Variants in SPATA21 observed in about 807,000 individuals in gnomAD.
SPATA21 encodes spermatogenesis-associated protein 21.
A neutral mutation model predicts 54.8 loss-of-function variants in SPATA21; 47 were observed. The ratio of observed to expected loss-of-function variants is 0.86; its 90% CI spans 0.68 to 1.09. The LOEUF is 1.09. SPATA21 is among the 50% of genes least tolerant of loss of function. The pLI, the probability that SPATA21 is intolerant of heterozygous loss-of-function variation, is 0.00. For missense variants in SPATA21, 599 were observed against 596.4 expected (o/e 1.00, Z -0.05); for synonymous variants, 245 against 235.3 (o/e 1.04, Z -0.38).
chr1:16,419,057 C>G (rs138434329), intron 5 of SPATA21, among the ~76,000 whole-genome samples: 63 of 152,218 alleles, frequency 4.1e-4, no homozygotes, highest in African/African-American at 1.4e-3. Context: ...AAGATAATGT[C>G]GGAGGGAGAA....
intron 10 of SPATA21, among the ~76,000 whole-genome samples, chr1:16,403,138 C>T (rs1442468685): frequency 2.6e-5 from 4 of 152,166 alleles, no homozygotes; most frequent in African/African-American, 9.7e-5. Context: ...GAACCACTAC[C>T]TACCCACCCA....
At chr1:16,410,155 G>A in intron 5 of SPATA21, 112 bp from the exon 6 acceptor site, 1 of 884,974 alleles carries the variant, frequency 1.1e-6, no homozygotes, top group Non-Finnish European at 1.7e-6. Flanking sequence ...TACTCTCTGA[G>A]CCTTTGGAGG....
intron 3 of SPATA21, chr1:16,425,172 A>G (rs1230650620): frequency 2.1e-6 from 1 of 475,208 alleles, no homozygotes; most frequent in Non-Finnish European, 4.2e-6. Context: ...CGGCCTCCAG[A>G]AGTGCTGGGA....
chr1:16,408,381 G>T, intron 7 of SPATA21: 3 of 775,670 alleles, frequency 3.9e-6, no homozygotes, highest in Non-Finnish European at 4.7e-6. Context: ...CTTGTTTAAT[G>T]GTGAGGGACC....
intron 2 of SPATA21, among the ~76,000 whole-genome samples, chr1:16,432,104 T>C (rs2086472588): frequency 7.3e-6 from 1 of 137,600 alleles, no homozygotes; most frequent in Admixed American, 7.4e-5. Flanking sequence ...CTTTTCTTCT[T>C]CTTCTTCTTC....
intron 2 of SPATA21, among the ~76,000 whole-genome samples, chr1:16,432,331 A>T (rs751225015): frequency 4.0e-5 from 6 of 151,820 alleles, no homozygotes; most frequent in Non-Finnish European, 8.8e-5. Flanking sequence ...CAGGTTGGCC[A>T]CGCTGGTCTT....
chr1:16,411,282 G>T (rs1010482926), intron 5 of SPATA21, among the ~76,000 whole-genome samples: 1 of 152,040 alleles, frequency 6.6e-6, no homozygotes, highest in African/African-American at 2.4e-5. Flanking sequence ...GAATTCCTGG[G>T]CTCAAGAGAT....
chr1:16,412,950 G>A (rs1015867661), intron 5 of SPATA21, among the ~76,000 whole-genome samples: 1 of 151,936 alleles, frequency 6.6e-6, no homozygotes, highest in African/African-American at 2.4e-5. Context: ...TACCCGGCTA[G>A]TTTTTTGTAT....
At chr1:16,403,553 A>G (rs968523778) in intron 10 of SPATA21, among the ~76,000 whole-genome samples, 174 bp downstream of exon 10, 6 of 144,282 alleles carry the variant, frequency 4.2e-5, no homozygotes, top group Admixed American at 3.6e-4. Flanking sequence ...CAGTGGCTCA[A>G]TCTCAGCTCA....
At chr1:16,404,182 G>A (rs1022097518) in intron 8 of SPATA21, 143 bp from the exon 9 acceptor site, 25 of 715,330 alleles carry the variant, frequency 3.5e-5, no homozygotes, top group Middle Eastern at 4.0e-4. Flanking sequence ...GGGGCACACA[G>A]GAAAGTACAA....
At chr1:16,435,622 C>CCTTT (rs753548258) in intron 1 of SPATA21, among the ~76,000 whole-genome samples, 1 of 144,730 alleles carries the variant, frequency 6.9e-6, no homozygotes, top group Non-Finnish European at 1.5e-5. Flanking sequence ...CGGCCCCCCC[C>CCTTT]TTTTTTTTTT....
rs113988225 is a variant in SPATA21, at chr1:16,421,743, G to A, written c.95+168C>T. Among the ~76,000 whole-genome samples the A allele has an allele frequency of 7.3e-3, 1,112 of 152,158 alleles. 10 individuals carry two copies. The highest frequency in any genetic ancestry group is 0.026 in the African/African-American group (1,074 of 41,512). On this transcript the variant is annotated intron_variant, in intron 4 of 12. Transcript: ENST00000335496. This position sits in a 1 kb window ranked among gnomAD's most constrained non-coding sequence, Gnocchi z 5.2. ...ACAGGCTCACGGAACCAAGAATTCTGGTATTCCAGCCATTACACAGATGGG... is the reference window on the plus strand; with the variant it reads ...ACAGGCTCACGGAACCAAGAATTCTAGTATTCCAGCCATTACACAGATGGG...
At chr1:16,402,246 A>ATTTTTT (rs780999908) in intron 10 of SPATA21, among the ~76,000 whole-genome samples, 4 of 73,392 alleles carry the variant, frequency 5.5e-5, no homozygotes, top group Admixed American at 1.8e-4. Context: ...CTGAGCTGCC[A>ATTTTTT]TTCTTTTTTT....
In SPATA21 at chr1:16,421,357, G is replaced by A; in HGVS notation, c.144+152C>T. On this transcript the variant is annotated intron_variant, in intron 5 of 12. Coordinates refer to ENST00000335496, the MANE Select transcript of SPATA21 (RefSeq NM_198546.1). This position sits in a 1 kb window ranked among gnomAD's most constrained non-coding sequence, Gnocchi z 5.2. The stretch of plus-strand genomic sequence containing the variant: ...CACACACACGTGTGCACATCCATGT[G>A]CACTTTAACACACAGCCACACACAC... The A allele has an allele frequency of 1.4e-6, 1 of 716,006 alleles. No individual in the cohort carries two copies. The highest frequency in any genetic ancestry group is 2.3e-6 in the Non-Finnish European group (1 of 432,926). The allele number at this position is 716,006 out of a possible 1,614,324, so 44.4% of individuals were successfully genotyped here. A position where few individuals can be genotyped will look rare whatever the true frequency, so the allele number is the denominator to read the frequency against.
At chr1:16,406,390 A>T (rs1268394640) in intron 7 of SPATA21, among the ~76,000 whole-genome samples, 1 of 152,158 alleles carries the variant, frequency 6.6e-6, no homozygotes, top group East Asian at 1.9e-4. Context: ...GAGGTGAGAA[A>T]GTTAAAAAGA....
In SPATA21 at chr1:16,409,256, G is replaced by A; in HGVS notation, c.588-53C>T. ...GCAACATCCGGCCGCCCACCCTGCT[G>A]ATAGCTAGGGGAGGGGTTGGGGGAG... is the stretch of plus-strand genomic sequence containing the variant. On this transcript the variant is annotated intron_variant, in intron 6 of 12. Transcript: ENST00000335496. This position sits in a 1 kb window ranked among gnomAD's most constrained non-coding sequence, Gnocchi z 4.1. The A allele has an allele frequency of 6.3e-7, 1 of 1,597,968 alleles. No homozygotes were observed. Among genetic ancestry groups the A allele is most frequent in the Non-Finnish European group, 8.6e-7 (1 of 1,167,462 alleles).
downstream of SPATA21, chr1:16,398,556 G>C: frequency 1.7e-6 from 1 of 589,564 alleles, no homozygotes; most frequent in Non-Finnish European, 3.0e-6. Context: ...CCCCGCGCAG[G>C]GCTTTGAGGT....
chr1:16,406,219 A>G (rs946098052), intron 7 of SPATA21, among the ~76,000 whole-genome samples: 1 of 151,852 alleles, frequency 6.6e-6, no homozygotes, highest in Non-Finnish European at 1.5e-5. Flanking sequence ...TCCCGGGTTC[A>G]TGTGATTCTC....
intron 5 of SPATA21, among the ~76,000 whole-genome samples, chr1:16,415,057 C>A (rs530405295): frequency 1.1e-4 from 17 of 151,480 alleles, no homozygotes; most frequent in Non-Finnish European, 2.4e-4. Context: ...CAGTTCTGGG[C>A]CAGGCGCAGT....
Sources: gnomAD v4.1 joint callset for allele counts (sites outside exome capture counted in the v4.1 genomes callset) on GRCh38, gnomAD v4.1.1 for gene constraint, Gnocchi (gnomAD v3.1) non-coding constraint, MANE v1.5 for transcripts, NCBI Gene and HGNC (gene_info 2026-07-23, HGNC 2026-07-21) for gene names.